PICALM: variants seen among roughly 807,000 people sequenced by gnomAD.
PICALM encodes phosphatidylinositol-binding clathrin assembly protein.
Under a neutral mutation model 80.5 loss-of-function variants are expected in PICALM, and 40 were observed. The observed-to-expected ratio is 0.50, with a 90% CI of 0.39 to 0.65. PICALM has a LOEUF of 0.65. Ranked by LOEUF, PICALM falls within the 30% of genes least tolerant of loss-of-function variation. PICALM has a pLI of 0.00. For synonymous variants in PICALM, 288 were observed against 260.3 expected, an observed-to-expected ratio of 1.11 and a Z score of -1.02; for missense variants, 676 against 778.9, an observed-to-expected ratio of 0.87 and a Z score of 1.57.
chr11:85,965,529 C>T (rs77216549), intron 19 of PICALM, among the ~76,000 whole-genome samples: 242 of 152,160 alleles, frequency 1.6e-3, no homozygotes, highest in African/African-American at 5.5e-3. Flanking sequence ...TACGTTGAAT[C>T]CAGTTGCTTA....
intron 19 of PICALM, among the ~76,000 whole-genome samples, chr11:85,965,015 T>C (rs1363915472): frequency 1.3e-5 from 2 of 152,344 alleles, no homozygotes; most frequent in Non-Finnish European, 2.9e-5. Context: ...ATTTTATAAA[T>C]ACACATACAG....
chr11:86,003,221 T>A, intron 9 of PICALM, 145 bp downstream of exon 9: 1 of 494,646 alleles, frequency 2.0e-6, no homozygotes. Flanking sequence ...ATACTAATTC[T>A]ATGAGGCTGA....
At chr11:85,994,021 G>A (rs969300824) in intron 12 of PICALM, among the ~76,000 whole-genome samples, 5 of 151,834 alleles carry the variant, frequency 3.3e-5, no homozygotes, top group Non-Finnish European at 7.4e-5. Flanking sequence ...CACCTGCCCA[G>A]ATAATCAAAT....
At chr11:85,974,458 T>G (rs151074622) in intron 19 of PICALM, 6 of 600,892 alleles carry the variant, frequency 1.0e-5, no homozygotes, top group Non-Finnish European at 1.9e-5. Flanking sequence ...AGAAAAATCA[T>G]CCTTTGGATC....
Position 85,993,820 on chromosome 11 carries a change from C to T in PICALM, c.1258+3006G>A, listed in dbSNP as rs548510742. ...TAAAACAAGGATTAAAATGGCACCA[C>T]AGTCATATTATCGCCTTTAAGTCCT... On this transcript the variant is annotated intron_variant, in intron 12 of 19. Coordinates refer to ENST00000393346, the MANE Select transcript of PICALM (RefSeq NM_007166.4). Among the ~76,000 whole-genome samples the T allele has an allele frequency of 1.1e-4, 16 of 152,234 alleles. 1 individual carries two copies. The East Asian group carries it at 3.1e-3, about 29-fold the overall frequency.
intron 1 of PICALM, among the ~76,000 whole-genome samples, chr11:86,033,010 TG>T (rs2095785763): frequency 6.6e-6 from 1 of 152,122 alleles, no homozygotes; most frequent in South Asian, 2.1e-4. Flanking sequence ...AGAGTGCCCA[TG>T]GAACAACAGA....
rs2093568923 is a variant in PICALM, at chr11:85,957,670, T to C, written c.*1376A>G. 5 of 199,010 alleles carry C rather than the reference T, an allele frequency of 2.5e-5. No individual in the cohort carries two copies. In the East Asian group the frequency reaches 3.9e-4, roughly 16 times the overall value. 12.3% of individuals were successfully genotyped at this position (199,010 alleles called of 1,614,324 possible). A position where few individuals can be genotyped will look rare whatever the true frequency, so the allele number is the denominator to read the frequency against. ...AATGAAAATGCATCTCAGACCAGAA[T>C]ACCATAACAAAACTTTTGTGGAAGC... On this transcript the variant is annotated 3_prime_UTR_variant, in exon 20 of 20. Transcript: ENST00000393346.
intron 1 of PICALM, among the ~76,000 whole-genome samples, chr11:86,035,401 G>A (rs748398667): frequency 5.9e-5 from 9 of 152,102 alleles, no homozygotes; most frequent in Non-Finnish European, 1.2e-4. Context: ...CATCTAAACA[G>A]CAACTCACTA....
At chr11:85,977,920 A>G in intron 17 of PICALM, 1 of 676,176 alleles carries the variant, frequency 1.5e-6, no homozygotes, top group Non-Finnish European at 2.7e-6. Context: ...CAACACACCC[A>G]TGAAATCAGT....
chr11:86,022,402 T>C lies in PICALM; in HGVS notation c.417A>G (p.Arg139=), dbSNP rs1261414759. 2 of 1,592,770 alleles carry C rather than the reference T, an allele frequency of 1.3e-6. No homozygotes were observed. Among genetic ancestry groups the C allele is most frequent in the African/African-American group, 1.3e-5 (1 of 74,400 alleles). Residue 139 remains arginine (R), a synonymous_variant, in exon 4 of 20, where the codon AGA becomes AGG. Transcript: ENST00000393346. ...RYLNEKAVSY[R]QVAFDFTKVK... ...CTTTTGTGAAATCAAATGCAACTTGTCTGTATGAAACTGCTTTCTCATTTA... is the reference window on the plus strand; with the variant it reads ...CTTTTGTGAAATCAAATGCAACTTGCCTGTATGAAACTGCTTTCTCATTTA...
intron 6 of PICALM, among the ~76,000 whole-genome samples, chr11:86,011,849 T>C (rs537310093): frequency 6.7e-6 from 1 of 148,952 alleles, no homozygotes; most frequent in Admixed American, 6.8e-5. Context: ...ACTATCCTTT[T>C]TGTTTTTTTT....
intron 12 of PICALM, among the ~76,000 whole-genome samples, chr11:85,994,462 G>A (rs748319625): frequency 6.6e-5 from 10 of 151,962 alleles, no homozygotes; most frequent in Non-Finnish European, 1.3e-4. Flanking sequence ...CTAGGAATGC[G>A]CATCATTTCT....
chr11:86,028,787 G>A lies in PICALM; in HGVS notation c.274-2420C>T, dbSNP rs1198196490. Among the ~76,000 whole-genome samples the A allele has an allele frequency of 2.6e-5, 4 of 151,576 alleles. No individual in the cohort carries two copies. In the South Asian group the frequency reaches 8.4e-4, roughly 32 times the overall value. The stretch of plus-strand genomic sequence containing the variant: ...ACCTGAGTACTCTGACACTGAATCA[G>A]GTAATTCTTTGTTGTTGGAGACTGC... On this transcript the variant is annotated intron_variant, in intron 2 of 19. Coordinates refer to ENST00000393346, the MANE Select transcript of PICALM (RefSeq NM_007166.4).
chr11:86,069,236 C>T, upstream of PICALM: 1 of 180,642 alleles, frequency 5.5e-6, no homozygotes, highest in East Asian at 9.3e-5. Context: ...GGGCGGCGCC[C>T]GCGCGTTACG....
Position 86,068,667 on chromosome 11 carries a change from C to G in PICALM, c.114G>C (p.Lys38Asn), listed in dbSNP as rs781418654. 1 of 1,612,846 alleles carries G rather than the reference C, an allele frequency of 6.2e-7. No individual in the cohort carries two copies. Residue 38 changes from lysine to asparagine, a missense_variant, in exon 1 of 20, where the codon AAG (lysine) becomes AAC (asparagine). Coordinates refer to ENST00000393346, the MANE Select transcript of PICALM (RefSeq NM_007166.4). ...TTCACTCACAGTCCAGGTGCTTTTT[C>G]TTGGGCCCCATGATCTCGTGGGTCG... Reference protein sequence around the residue: ...KATTHEIMGPKKKHLDYLIQC... With the variant: ...KATTHEIMGPNKKHLDYLIQC...
At chr11:85,963,919 G>GATTTTT (rs2093780107) in intron 19 of PICALM, among the ~76,000 whole-genome samples, 1 of 22,844 alleles carries the variant, frequency 4.4e-5, no homozygotes, top group East Asian at 9.7e-4. Flanking sequence ...ACCACACCTG[G>GATTTTT]CTTTTTTTTT....
At chr11:85,987,024 G>C (rs1162243498) in intron 13 of PICALM, among the ~76,000 whole-genome samples, 1 of 152,158 alleles carries the variant, frequency 6.6e-6, no homozygotes, top group Non-Finnish European at 1.5e-5. Flanking sequence ...AAGCTTTGGG[G>C]ACAGAAAGAC....
chr11:86,046,648 G>T (rs1424202162), intron 1 of PICALM, among the ~76,000 whole-genome samples: 1 of 152,100 alleles, frequency 6.6e-6, no homozygotes, highest in African/African-American at 2.4e-5. Flanking sequence ...CATCAACTGG[G>T]AAGTGTTACC....
chr11:86,026,788 C>G (rs1368128292), intron 2 of PICALM, among the ~76,000 whole-genome samples: 5 of 152,174 alleles, frequency 3.3e-5, no homozygotes, highest in Admixed American at 6.5e-5. Flanking sequence ...TACCCACTGT[C>G]CAGATTAAAC....
Sources: allele counts gnomAD v4.1 joint callset (sites outside exome capture counted in the v4.1 genomes callset), GRCh38; gene constraint gnomAD v4.1.1; transcripts MANE v1.5; gene names NCBI Gene and HGNC (gene_info 2026-07-23, HGNC 2026-07-21).